CDH8: variants seen among roughly 807,000 people sequenced by gnomAD.
CDH8 encodes cadherin-8.
In CDH8, 17 loss-of-function variants were observed where a neutral mutation model predicts 68.1. The observed-to-expected ratio is 0.25, with a 90% CI of 0.17 to 0.37. The LOEUF is 0.37. CDH8 is among the 10% of genes least tolerant of loss of function. The pLI, the probability that CDH8 is intolerant of heterozygous loss-of-function variation, is 1.00. For synonymous variants in CDH8, 372 were observed against 365.1 expected, an observed-to-expected ratio of 1.02 and a Z score of -0.21; for missense variants, 763 against 999.3, an observed-to-expected ratio of 0.76 and a Z score of 3.19.
rs1172178776 is a variant in CDH8, at chr16:61,679,787, A to G, written c.1655-24066T>C. Among the ~76,000 whole-genome samples the G allele has an allele frequency of 2.6e-5, 4 of 152,070 alleles. No homozygotes were observed. The East Asian group carries it at 7.8e-4, about 30-fold the overall frequency. On this transcript the variant is annotated intron_variant, in intron 10 of 11. Coordinates refer to ENST00000577390, the MANE Select transcript of CDH8 (RefSeq NM_001796.5). ...CTAGATGATGGCTCTAGTTTGTTCC[A>G]TTCCTGAAGTACTCTAATTCTACCC... is the stretch of plus-strand genomic sequence containing the variant.
At chr16:61,876,379 G>T (rs1019776676) in intron 3 of CDH8, among the ~76,000 whole-genome samples, 3 of 152,098 alleles carry the variant, frequency 2.0e-5, no homozygotes, top group Non-Finnish European at 4.4e-5. Context: ...GAGAGTTGCT[G>T]TTTCCTAGTC....
intron 8 of CDH8, among the ~76,000 whole-genome samples, chr16:61,784,272 G>A (rs912562416): frequency 2.0e-5 from 3 of 151,846 alleles, no homozygotes; most frequent in Non-Finnish European, 4.4e-5. Flanking sequence ...ACAAAAAAAG[G>A]CAGGGGTTGC....
At chr16:61,912,475 G>A (rs62052032) in intron 2 of CDH8, among the ~76,000 whole-genome samples, 23,387 of 152,030 alleles carry the variant, frequency 0.15, 2,035 homozygotes, top group Middle Eastern at 0.25. Flanking sequence ...TCAATGAATG[G>A]ATGAATGGGT....
chr16:61,846,530 T>A (rs1962809832), intron 4 of CDH8, among the ~76,000 whole-genome samples: 1 of 152,124 alleles, frequency 6.6e-6, no homozygotes. Flanking sequence ...TTCTTTTCCT[T>A]TGTCCAGACT....
chr16:61,652,038 T>A lies in CDH8; in HGVS notation c.*1570A>T. 3 of 867,282 alleles carry A rather than the reference T, an allele frequency of 3.5e-6. No homozygotes were observed. The highest frequency in any genetic ancestry group is 4.2e-6 in the Non-Finnish European group (3 of 722,506). 53.7% of individuals were successfully genotyped at this position (867,282 alleles called of 1,614,324 possible). ...ATTTATAAAAATATATTTCACAAAGTAGGAAACAATACAGGAGTTTCTCTG... is the reference window on the plus strand; with the variant it reads ...ATTTATAAAAATATATTTCACAAAGAAGGAAACAATACAGGAGTTTCTCTG... On this transcript the variant is annotated 3_prime_UTR_variant, in exon 12 of 12. Transcript: ENST00000577390.
At chr16:61,766,950 T>C (rs1596947951) in intron 8 of CDH8, among the ~76,000 whole-genome samples, 1 of 152,092 alleles carries the variant, frequency 6.6e-6, no homozygotes, top group Non-Finnish European at 1.5e-5. Context: ...TACTTCACTG[T>C]TGGGATCCAC....
At chr16:61,954,545 CA>C (rs370489439) in intron 2 of CDH8, among the ~76,000 whole-genome samples, 5,464 of 151,470 alleles carry the variant, frequency 0.036, 344 homozygotes, top group African/African-American at 0.13. Context: ...ACTAAAAATA[CA>C]AAAAAATTAG....
chr16:61,932,063 CG>C (rs1964550278), intron 2 of CDH8, among the ~76,000 whole-genome samples: 1 of 151,758 alleles, frequency 6.6e-6, no homozygotes, highest in Admixed American at 6.6e-5. Context: ...AAAAATTAGC[CG>C]GGCGTGGTGG....
chr16:61,671,836 A>G (rs906941212), intron 10 of CDH8, among the ~76,000 whole-genome samples: 1 of 152,082 alleles, frequency 6.6e-6, no homozygotes, highest in Non-Finnish European at 1.5e-5. Flanking sequence ...CCACATATGA[A>G]CAGGTTAAAA....
At chr16:61,727,297 G>A (rs1959403633) in intron 8 of CDH8, 82 bp from the exon 9 acceptor site, 18 of 1,396,604 alleles carry the variant, frequency 1.3e-5, no homozygotes, top group Non-Finnish European at 1.7e-5. Context: ...AAGCATGTGT[G>A]TCTGTTTCCA....
chr16:61,916,543 T>C (rs563555825), intron 2 of CDH8, among the ~76,000 whole-genome samples: 1 of 152,100 alleles, frequency 6.6e-6, no homozygotes, highest in East Asian at 1.9e-4. Flanking sequence ...TAAATAATAA[T>C]AATAATAGTA....
chr16:61,666,994 TA>T (rs1334129970), intron 10 of CDH8, among the ~76,000 whole-genome samples: 1 of 152,066 alleles, frequency 6.6e-6, no homozygotes, highest in Non-Finnish European at 1.5e-5. Flanking sequence ...AGTTGCAGTG[TA>T]ATGAATTAAT....
chr16:61,714,912 T>A (rs1325536999), intron 9 of CDH8, among the ~76,000 whole-genome samples: 1 of 151,526 alleles, frequency 6.6e-6, no homozygotes, highest in Non-Finnish European at 1.5e-5. Flanking sequence ...AACAATTATG[T>A]CCCATTGAAC....
intron 1 of CDH8, among the ~76,000 whole-genome samples, chr16:62,023,184 A>T (rs912768057): frequency 5.9e-5 from 9 of 152,068 alleles, no homozygotes; most frequent in African/African-American, 1.7e-4. Flanking sequence ...CCATAAAGAA[A>T]CCCCCAAATA....
At chr16:61,767,019 C>G (rs1448851418) in intron 8 of CDH8, among the ~76,000 whole-genome samples, 1 of 151,800 alleles carries the variant, frequency 6.6e-6, no homozygotes, top group African/African-American at 2.4e-5. Context: ...TTCTATGCAG[C>G]AAGCCATCAG....
intron 8 of CDH8, among the ~76,000 whole-genome samples, chr16:61,783,589 C>T (rs1961145822): frequency 6.7e-6 from 1 of 150,118 alleles, no homozygotes; most frequent in Non-Finnish European, 1.5e-5. Context: ...ACAGAGAACG[C>T]CACAAAGATA....
intron 2 of CDH8, among the ~76,000 whole-genome samples, chr16:61,912,097 T>C (rs985893695): frequency 1.3e-5 from 2 of 151,994 alleles, no homozygotes; most frequent in African/African-American, 4.8e-5. Flanking sequence ...TAAGTGACAA[T>C]AGCACAGCGG....
chr16:61,761,140 TAAG>T (rs1434845267), intron 8 of CDH8, among the ~76,000 whole-genome samples: 1 of 152,184 alleles, frequency 6.6e-6, no homozygotes, highest in Non-Finnish European at 1.5e-5. Flanking sequence ...CTTTTAAAAT[TAAG>T]AAGAATACCA....
chr16:61,691,287 G>A (rs1019544764), intron 10 of CDH8, among the ~76,000 whole-genome samples: 3 of 152,014 alleles, frequency 2.0e-5, no homozygotes, highest in East Asian at 3.9e-4. Context: ...TTTTGGGTAT[G>A]CCTAGGCCAT....
Sources: gnomAD v4.1 joint callset for allele counts (sites outside exome capture counted in the v4.1 genomes callset) on GRCh38, gnomAD v4.1.1 for gene constraint, MANE v1.5 for transcripts, NCBI Gene and HGNC (gene_info 2026-07-23, HGNC 2026-07-21) for gene names.